Variants in SCIN observed in about 807,000 individuals in gnomAD.
The protein encoded by SCIN is adseverin.
In SCIN, 91 loss-of-function variants were observed where a neutral mutation model predicts 91.8. That is an observed-to-expected ratio of 0.99 (90% CI 0.84 to 1.18). The LOEUF is 1.18. Ranked by LOEUF, SCIN falls within the 50% of genes most tolerant of loss-of-function variation. The pLI is 0.00. For missense variants in SCIN, 1,087 were observed against 863.9 expected (o/e 1.26, Z -3.24); for synonymous variants, 367 against 312.6 (o/e 1.17, Z -1.84).
chr7:12,596,546 C>T, intron 3 of SCIN: 3 of 433,374 alleles, frequency 6.9e-6, no homozygotes, highest in Non-Finnish European at 1.4e-5. Flanking sequence ...GGGGAGGGCC[C>T]TCTCCTGCCC....
At chr7:12,579,949 T>C (rs1046053029) in intron 2 of SCIN, among the ~76,000 whole-genome samples, 2 of 152,200 alleles carry the variant, frequency 1.3e-5, no homozygotes, top group Non-Finnish European at 2.9e-5. Context: ...CTTGTATTTA[T>C]TTAATTATAT....
At chr7:12,643,955 C>A (rs1418345228) in intron 11 of SCIN, among the ~76,000 whole-genome samples, 183 bp from the exon 12 acceptor site, 1 of 152,094 alleles carries the variant, frequency 6.6e-6, no homozygotes, top group Non-Finnish European at 1.5e-5. Context: ...GTGACACAGA[C>A]CGAAGTGCTC....
intron 4 of SCIN, among the ~76,000 whole-genome samples, chr7:12,615,635 T>C (rs2115263330): frequency 6.6e-6 from 1 of 152,270 alleles, no homozygotes; most frequent in Admixed American, 6.5e-5. Context: ...TTTTTATCTC[T>C]TACCATTAGC....
intron 4 of SCIN, among the ~76,000 whole-genome samples, chr7:12,617,050 A>G (rs963064549): frequency 6.6e-6 from 1 of 152,170 alleles, no homozygotes; most frequent in East Asian, 1.9e-4. Flanking sequence ...GTACGTGAAC[A>G]AATAATAAAG....
At chr7:12,648,140 C>A (rs1324397253) in intron 13 of SCIN, among the ~76,000 whole-genome samples, 1 of 152,052 alleles carries the variant, frequency 6.6e-6, no homozygotes, top group African/African-American at 2.4e-5. Flanking sequence ...GCTAACCCTT[C>A]CATTACCCTT....
intron 9 of SCIN, among the ~76,000 whole-genome samples, chr7:12,631,343 G>A (rs1322324204): frequency 6.6e-6 from 1 of 152,138 alleles, no homozygotes; most frequent in Non-Finnish European, 1.5e-5. Flanking sequence ...TGTTTTTAGT[G>A]CAATATAAAG....
intron 13 of SCIN, among the ~76,000 whole-genome samples, chr7:12,647,627 T>C (rs1281436664): frequency 6.6e-6 from 1 of 152,240 alleles, no homozygotes; most frequent in African/African-American, 2.4e-5. Flanking sequence ...AGAACAGTGC[T>C]GACGTCAAGT....
intron 4 of SCIN, among the ~76,000 whole-genome samples, chr7:12,615,479 C>T (rs903617653): frequency 6.6e-5 from 10 of 152,082 alleles, no homozygotes; most frequent in Non-Finnish European, 1.2e-4. Context: ...CTTCACCTTC[C>T]GCCATGATTG....
intron 13 of SCIN, among the ~76,000 whole-genome samples, chr7:12,647,724 T>G (rs1783993908): frequency 6.6e-6 from 1 of 152,260 alleles, no homozygotes; most frequent in African/African-American, 2.4e-5. Context: ...CTTTGCCTTC[T>G]AAATGGTCAA....
chr7:12,615,450 A>G (rs893900007), intron 4 of SCIN, among the ~76,000 whole-genome samples: 2 of 152,102 alleles, frequency 1.3e-5, no homozygotes, highest in African/African-American at 2.4e-5. Flanking sequence ...GCTGCCATGT[A>G]AAATGCGCCT....
At chr7:12,595,867 T>C (rs1782830017) in intron 3 of SCIN, 1 of 153,488 alleles carries the variant, frequency 6.5e-6, no homozygotes, top group Non-Finnish European at 1.4e-5. Flanking sequence ...CAGGGTCGTA[T>C]TGTTACCAGT....
At chr7:12,632,141 T>C (rs998091705) in intron 9 of SCIN, among the ~76,000 whole-genome samples, 1 of 128,892 alleles carries the variant, frequency 7.8e-6, no homozygotes, top group Non-Finnish European at 1.7e-5. Flanking sequence ...TTTATTTTAT[T>C]TTATTTTAGA....
At chr7:12,605,898 A>G (rs760224429) in intron 4 of SCIN, among the ~76,000 whole-genome samples, 5 of 152,224 alleles carry the variant, frequency 3.3e-5, no homozygotes, top group Non-Finnish European at 7.3e-5. Context: ...TCATGGCTCT[A>G]TAGACCCTGC....
chr7:12,636,081 ATCT>A lies in SCIN; in HGVS notation c.1357_1359del (p.Ser453del). On this transcript the variant is annotated inframe_deletion, in exon 10 of 16. Coordinates refer to ENST00000297029, the MANE Select transcript of SCIN (RefSeq NM_001112706.3). ...ATGCCACACGAGATGAGCTGACAAC[ATCT>A]GCGTTCCTGACTGTTCAGTTGGATC... The A allele has an allele frequency of 6.2e-7, 1 of 1,613,256 alleles. No homozygotes were observed. The highest frequency in any genetic ancestry group is 8.5e-7 in the Non-Finnish European group (1 of 1,179,684).
chr7:12,614,806 T>C (rs914099256), intron 4 of SCIN, among the ~76,000 whole-genome samples: 3 of 152,154 alleles, frequency 2.0e-5, no homozygotes, highest in African/African-American at 4.8e-5. Flanking sequence ...AGCAAAAGAC[T>C]TCGAGCTTTA....
At chr7:12,621,667 T>C (rs903682557) in intron 4 of SCIN, among the ~76,000 whole-genome samples, 1 of 148,096 alleles carries the variant, frequency 6.8e-6, no homozygotes, top group African/African-American at 2.5e-5. Flanking sequence ...TGCTTGATTC[T>C]ATTTTTAGCA....
chr7:12,608,703 T>G (rs929767046), intron 4 of SCIN, among the ~76,000 whole-genome samples: 6 of 152,250 alleles, frequency 3.9e-5, no homozygotes, highest in African/African-American at 1.4e-4. Flanking sequence ...GGTCTCAAAC[T>G]CCTGACCTTG....
intron 4 of SCIN, among the ~76,000 whole-genome samples, chr7:12,613,604 C>T (rs1295119685): frequency 6.6e-6 from 1 of 152,034 alleles, no homozygotes; most frequent in African/African-American, 2.4e-5. Flanking sequence ...TTTTCCAGAG[C>T]CTAGAATCAC....
At chr7:12,622,409 A>T (rs1448554073) in intron 4 of SCIN, among the ~76,000 whole-genome samples, 3 of 152,146 alleles carry the variant, frequency 2.0e-5, no homozygotes, top group Non-Finnish European at 4.4e-5. Context: ...CTTTATTATA[A>T]TAAACTCATA....
Sources: gnomAD v4.1 joint callset for allele counts (sites outside exome capture counted in the v4.1 genomes callset) on GRCh38, gnomAD v4.1.1 for gene constraint, MANE v1.5 for transcripts, NCBI Gene and HGNC (gene_info 2026-07-23, HGNC 2026-07-21) for gene names.